The following LRRC4C variants were observed in gnomAD, a reference collection of about 807,000 sequenced individuals.
The protein encoded by LRRC4C is leucine-rich repeat-containing protein 4C.
LRRC4C carries 5 observed loss-of-function variants against 33.6 expected under a neutral mutation model. The ratio of observed to expected loss-of-function variants is 0.15; its 90% CI spans 0.08 to 0.31. The LOEUF is 0.31. LRRC4C is among the 10% of genes least tolerant of loss of function. LRRC4C has a pLI of 1.00. For synonymous variants in LRRC4C, 329 were observed against 302.0 expected, an observed-to-expected ratio of 1.09 and a Z score of -0.93; for missense variants, 560 against 796.7, an observed-to-expected ratio of 0.70 and a Z score of 3.58.
At chr11:41,403,333 C>T (rs1203885388) in intron 1 of LRRC4C, among the ~76,000 whole-genome samples, 1 of 152,002 alleles carries the variant, frequency 6.6e-6, no homozygotes, top group Non-Finnish European at 1.5e-5. Context: ...CAAAAGCCTA[C>T]AGAGGTAGAT....
intron 2 of LRRC4C, among the ~76,000 whole-genome samples, chr11:40,903,380 G>A (rs975357494): frequency 6.6e-6 from 1 of 152,176 alleles, no homozygotes; most frequent in Non-Finnish European, 1.5e-5. Flanking sequence ...TGCTGTACAA[G>A]TAGATTAATG....
At chr11:40,959,400 C>T (rs1162692729) in intron 1 of LRRC4C, among the ~76,000 whole-genome samples, 1 of 151,338 alleles carries the variant, frequency 6.6e-6, no homozygotes, top group Non-Finnish European at 1.5e-5. Context: ...CCTGGCAAAC[C>T]AAGACACTTG....
intron 1 of LRRC4C, among the ~76,000 whole-genome samples, chr11:40,945,043 T>C (rs1958331802): frequency 6.7e-6 from 1 of 149,654 alleles, no homozygotes; most frequent in African/African-American, 2.5e-5. Flanking sequence ...TTTTTTTTTT[T>C]TTGAGACGGA....
chr11:40,836,455 G>A (rs1478425127), intron 2 of LRRC4C, among the ~76,000 whole-genome samples: 1 of 152,162 alleles, frequency 6.6e-6, no homozygotes, highest in African/African-American at 2.4e-5. Flanking sequence ...TAGAAAGAAA[G>A]TTATAGAATT....
At chr11:40,966,250 C>CACCAA (rs1851357635) in intron 1 of LRRC4C, among the ~76,000 whole-genome samples, 1 of 151,934 alleles carries the variant, frequency 6.6e-6, no homozygotes, top group Non-Finnish European at 1.5e-5. Flanking sequence ...CCTATTTTTA[C>CACCAA]ATTTGCATCT....
chr11:40,255,120 C>A (rs1867101617), intron 4 of LRRC4C, among the ~76,000 whole-genome samples: 1 of 152,092 alleles, frequency 6.6e-6, no homozygotes, highest in African/African-American at 2.4e-5. Context: ...AGTAAATTTT[C>A]TGATAAATGC....
intron 1 of LRRC4C, among the ~76,000 whole-genome samples, chr11:41,419,479 G>A (rs1395376401): frequency 1.3e-5 from 2 of 151,810 alleles, no homozygotes; most frequent in African/African-American, 2.4e-5. Flanking sequence ...ACTGTGAGGG[G>A]CCATGTCTAT....
At chr11:40,228,525 A>G (rs1206865775) in intron 5 of LRRC4C, among the ~76,000 whole-genome samples, 1 of 152,186 alleles carries the variant, frequency 6.6e-6, no homozygotes, top group African/African-American at 2.4e-5. Flanking sequence ...GAAAGCTATT[A>G]TGCTATACAA....
chr11:40,644,939 T>A (rs908488633), intron 3 of LRRC4C, among the ~76,000 whole-genome samples: 2 of 147,242 alleles, frequency 1.4e-5, no homozygotes, highest in South Asian at 4.3e-4. Flanking sequence ...GCACTCGGGA[T>A]CTCTGTGTTT....
chr11:41,144,994 A>G (rs1163816564), intron 1 of LRRC4C, among the ~76,000 whole-genome samples: 1 of 152,208 alleles, frequency 6.6e-6, no homozygotes, highest in Non-Finnish European at 1.5e-5. Flanking sequence ...TTAGCAAGCT[A>G]GAGTCACAAT....
At chr11:40,796,903 T>C (rs111450130) in intron 2 of LRRC4C, among the ~76,000 whole-genome samples, 7 of 152,142 alleles carry the variant, frequency 4.6e-5, no homozygotes, top group African/African-American at 1.7e-4. Flanking sequence ...GTCCTCGGCC[T>C]CCCCAAGTGC....
At chr11:40,650,980 A>G (rs1293654038) in intron 2 of LRRC4C, among the ~76,000 whole-genome samples, 1 of 152,172 alleles carries the variant, frequency 6.6e-6, no homozygotes, top group Non-Finnish European at 1.5e-5. Flanking sequence ...GCCAACAAAT[A>G]CTTGTAAAAT....
At chr11:40,214,032 C>T (rs570160145) in intron 5 of LRRC4C, among the ~76,000 whole-genome samples, 11 of 152,238 alleles carry the variant, frequency 7.2e-5, no homozygotes, top group Admixed American at 1.3e-4. Flanking sequence ...AAAAGTTAAA[C>T]TCAGATCTGT....
At chr11:40,433,963 C>T (rs185814342) in intron 3 of LRRC4C, among the ~76,000 whole-genome samples, 24 of 152,236 alleles carry the variant, frequency 1.6e-4, no homozygotes, top group African/African-American at 5.8e-4. Flanking sequence ...TTAGACAATC[C>T]TAAAGGTTAA....
At chr11:41,382,023 C>T (rs1377950908) in intron 1 of LRRC4C, among the ~76,000 whole-genome samples, 2 of 151,286 alleles carry the variant, frequency 1.3e-5, no homozygotes, top group Admixed American at 6.6e-5. Context: ...AATGAAAGTC[C>T]AGAATAGGAA....
chr11:40,219,983 C>T (rs1168570305), intron 5 of LRRC4C, among the ~76,000 whole-genome samples: 1 of 152,086 alleles, frequency 6.6e-6, no homozygotes, highest in Non-Finnish European at 1.5e-5. Flanking sequence ...CTGTATGCAT[C>T]CCATAACATC....
intron 5 of LRRC4C, among the ~76,000 whole-genome samples, chr11:40,179,261 C>T (rs1004681885): frequency 3.3e-5 from 5 of 152,058 alleles, no homozygotes; most frequent in African/African-American, 9.7e-5. Flanking sequence ...ATCTCAACTT[C>T]TCAAATTGCT....
At chr11:40,983,580 T>A (rs116576271) in intron 1 of LRRC4C, among the ~76,000 whole-genome samples, 6,675 of 151,844 alleles carry the variant, frequency 0.044, 504 homozygotes, top group African/African-American at 0.15. Context: ...CGGGAGAAAA[T>A]TTTTTGCAAA....
chr11:40,219,730 G>T (rs1028985173), intron 5 of LRRC4C, among the ~76,000 whole-genome samples: 1 of 151,390 alleles, frequency 6.6e-6, no homozygotes, highest in Non-Finnish European at 1.5e-5. Context: ...AGGGCATGAG[G>T]GGGAAGAAAT....
Sources: gnomAD v4.1 joint callset for allele counts (sites outside exome capture counted in the v4.1 genomes callset) on GRCh38, gnomAD v4.1.1 for gene constraint, MANE v1.5 for transcripts, NCBI Gene and HGNC (gene_info 2026-07-23, HGNC 2026-07-21) for gene names.